Variants in SLC2A10 observed in about 807,000 individuals in gnomAD.
SLC2A10 encodes the protein solute carrier family 2 member 10, also known as solute carrier family 2, facilitated glucose transporter member 10.
SLC2A10 carries 25 observed loss-of-function variants against 32.1 expected under a neutral mutation model. That is an observed-to-expected ratio of 0.78 (90% CI 0.57 to 1.09). The LOEUF is 1.09. Among genes scored for constraint, SLC2A10 ranks in the 50% least tolerant of loss-of-function variants. SLC2A10 has a pLI of 0.00. For missense variants in SLC2A10, 673 were observed against 686.5 expected (o/e 0.98, Z 0.22); for synonymous variants, 332 against 309.6 (o/e 1.07, Z -0.76).
intron 1 of SLC2A10, among the ~76,000 whole-genome samples, chr20:46,721,196 A>G (rs914425398): frequency 6.6e-6 from 1 of 152,220 alleles, no homozygotes; most frequent in African/African-American, 2.4e-5. Context: ...AGCTACTCAG[A>G]TTCAGTGTGA....
At chr20:46,724,319 AGATGGATGGATAGATG>A (rs1409658906) in intron 1 of SLC2A10, among the ~76,000 whole-genome samples, 1 of 152,044 alleles carries the variant, frequency 6.6e-6, no homozygotes, top group East Asian at 1.9e-4. Context: ...AAATAAATTT[AGATGGATGGATAGATG>A]GATGGATGGA....
In SLC2A10 at chr20:46,728,604, GTTTTT is replaced by G. The variant is rs778644499; in HGVS notation, c.1412-729_1412-725del. ...ACCGATTCATGGAATTTCTGGGTGT[GTTTTT>G]TTTTTTTTTTTTTTTTTTTGAAACA... On this transcript the variant is annotated intron_variant, in intron 3 of 4. Transcript: ENST00000359271. 3.9e-3 allele frequency among the ~76,000 whole-genome samples: 393 copies of G among 101,338 alleles called. 4 individuals carry two copies. The highest frequency in any genetic ancestry group is 0.015 in the African/African-American group (378 of 25,744). 66.5% of individuals were successfully genotyped at this position (101,338 alleles called of 152,430 possible).
chr20:46,725,234 C>T lies in SLC2A10; in HGVS notation c.198C>T (p.Gly66=). Residue 66 remains glycine (G), a synonymous_variant, in exon 2 of 5, where the codon GGC becomes GGT. Coordinates refer to ENST00000359271, the MANE Select transcript of SLC2A10 (RefSeq NM_030777.4). ...LGALLASLVG[G]FLIDCYGRKQ... ...CTCTCCTCGCCTCCCTGGTTGGTGG[C>T]TTCCTCATTGACTGCTATGGCAGGA... is the stretch of plus-strand genomic sequence containing the variant. The T allele has an allele frequency of 6.2e-7, 1 of 1,614,158 alleles. No individual in the cohort carries two copies. Among genetic ancestry groups the T allele is most frequent in the Non-Finnish European group, 8.5e-7 (1 of 1,180,012 alleles).
chr20:46,725,751 G>A lies in SLC2A10; in HGVS notation c.715G>A (p.Val239Met), dbSNP rs763372108. The A allele has an allele frequency of 1.2e-6, 2 of 1,614,088 alleles. No homozygotes were observed. The highest frequency in any genetic ancestry group is 1.7e-6 in the Non-Finnish European group (2 of 1,180,034). Residue 239 changes from valine to methionine, a missense_variant, in exon 2 of 5, where the codon GTG becomes ATG. Physicochemically the swap from Val to Met is conservative, Grantham distance 21. Transcript: ENST00000359271. ...CCGGACCACAGTGGGCCTGGGGCTG[G>A]TGCTCTTCCAGCAACTAACAGGGCA... ...RGRTTVGLGLVLFQQLTGQPN... is the reference protein window; with the variant it reads ...RGRTTVGLGLMLFQQLTGQPN...
At chr20:46,709,259 ATGTGTGTGT>A (rs17861024), upstream of SLC2A10, among the ~76,000 whole-genome samples, 23,078 of 151,740 alleles carry the variant, frequency 0.15, 2,082 homozygotes, top group East Asian at 0.28. Context: ...CTCGGTGTAG[ATGTGTGTGT>A]TGTGTGTGTT....
Position 46,729,398 on chromosome 20 carries a change from C to T in SLC2A10, c.1457C>T (p.Ala486Val), listed in dbSNP as rs775211875. 6.2e-7 allele frequency: 1 copy of T among 1,614,098 alleles called. No homozygotes were observed. Among genetic ancestry groups the T allele is most frequent in the Non-Finnish European group, 8.5e-7 (1 of 1,180,016 alleles). The change falls in exon 4 of 5, where the codon GCT (alanine) becomes GTT (valine). Residue 486 changes from alanine to valine, a missense_variant. Coordinates refer to ENST00000359271, the MANE Select transcript of SLC2A10 (RefSeq NM_030777.4). Reference sequence around the variant, plus strand: ...ACCTTCCTGCTCTACGGACTGACCGCTGTCCTCGGCCTGGGCTTCATCTAT... The same window carrying T: ...ACCTTCCTGCTCTACGGACTGACCGTTGTCCTCGGCCTGGGCTTCATCTAT... ...SWTFLLYGLT[A>V]VLGLGFIYLF...
chr20:46,732,772 G>A (rs918980365), intron 4 of SLC2A10, among the ~76,000 whole-genome samples: 6 of 152,148 alleles, frequency 3.9e-5, no homozygotes, highest in African/African-American at 1.4e-4. Flanking sequence ...GATGCTCAAG[G>A]AAGGCTGCTC....
intron 1 of SLC2A10, chr20:46,714,623 G>A: frequency 6.5e-6 from 1 of 152,962 alleles, no homozygotes. Flanking sequence ...AAAGCATACA[G>A]TATGTGCCGG....
chr20:46,716,470 C>T (rs1014972031), intron 1 of SLC2A10, among the ~76,000 whole-genome samples: 3 of 152,062 alleles, frequency 2.0e-5, no homozygotes, highest in African/African-American at 7.2e-5. Flanking sequence ...TGTTTTTAAA[C>T]TCAAAGCAAT....
chr20:46,733,707 G>A (rs373110989), intron 4 of SLC2A10, 49 bp from the exon 5 acceptor site: 37 of 1,514,458 alleles, frequency 2.4e-5, no homozygotes, highest in Middle Eastern at 1.7e-4. Context: ...CCCCAGGGAC[G>A]GCCCCAGGCC....
chr20:46,732,376 C>T (rs1447541914), intron 4 of SLC2A10, among the ~76,000 whole-genome samples: 2 of 152,112 alleles, frequency 1.3e-5, no homozygotes, highest in South Asian at 2.1e-4. Context: ...TTTCAAGTGC[C>T]GGGCACTGTA....
At chr20:46,729,510 T>G (rs1600671875) in intron 4 of SLC2A10, 22 bp downstream of exon 4, 1 of 1,613,172 alleles carries the variant, frequency 6.2e-7, no homozygotes, top group Non-Finnish European at 8.5e-7. Flanking sequence ...ACAGGGTGGG[T>G]CTGGGGGAAG....
chr20:46,709,847 C>A, intron 1 of SLC2A10, 107 bp downstream of exon 1: 1 of 1,357,734 alleles, frequency 7.4e-7, no homozygotes, highest in Non-Finnish European at 1.0e-6. Flanking sequence ...TCCCCCAGGG[C>A]CGCCCCGGCC....
rs1335581409 is a variant in SLC2A10, at chr20:46,709,706, GC to G, written c.-26del. ...GGGGATGCGCGCCCGGCCCCTCAGC[GC>G]CCCCAGCACGCCGCCGAGTCCCGCT... On this transcript the variant is annotated 5_prime_UTR_variant, in exon 1 of 5. Transcript: ENST00000359271. The G allele has an allele frequency of 6.5e-7, 1 of 1,539,634 alleles. No homozygotes were observed. The highest frequency in any genetic ancestry group is 1.4e-5 in the African/African-American group (1 of 71,466).
intron 2 of SLC2A10, 54 bp from the exon 3 acceptor site, chr20:46,726,810 G>A: frequency 6.2e-7 from 1 of 1,612,848 alleles, no homozygotes; most frequent in South Asian, 1.1e-5. Flanking sequence ...ACCTGATGGT[G>A]CCAGGCCCCA....
At chr20:46,711,277 G>A (rs79900569) in intron 1 of SLC2A10, among the ~76,000 whole-genome samples, 1,837 of 152,308 alleles carry the variant, frequency 0.012, 42 homozygotes, top group African/African-American at 0.039. Context: ...TGTAGATGGG[G>A]AAGCCCAGAG....
At chr20:46,717,345 G>A (rs1979305942) in intron 1 of SLC2A10, among the ~76,000 whole-genome samples, 1 of 152,182 alleles carries the variant, frequency 6.6e-6, no homozygotes, top group African/African-American at 2.4e-5. Flanking sequence ...AATTTCAATT[G>A]TATCAGTCAT....
chr20:46,727,478 G>A (rs1470918851), intron 3 of SLC2A10, among the ~76,000 whole-genome samples: 6 of 152,052 alleles, frequency 3.9e-5, no homozygotes, highest in South Asian at 2.1e-4. Context: ...CCGCCACCAC[G>A]CCCGGCTAAT....
rs111504264 is a variant in SLC2A10 at position 46,724,806 on chromosome 20, AGGATGGATGGATGGAT to A, written c.5-208_5-193del. Among the ~76,000 whole-genome samples the A allele has an allele frequency of 2.5e-4, 31 of 125,698 alleles. No homozygotes were observed. The South Asian group carries it at 5.4e-3, about 22-fold the overall frequency. The allele number at this position is 125,698 out of a possible 152,430, so 82.5% of individuals were successfully genotyped here. ...TGGAGTGGATGGATGGACAGATGGA[AGGATGGATGGATGGAT>A]GGATGGATGGATGGATGGATGGATG... On this transcript the variant is annotated intron_variant, in intron 1 of 4. Transcript: ENST00000359271.
Sources: gnomAD v4.1 joint callset for allele counts (sites outside exome capture counted in the v4.1 genomes callset) on GRCh38, gnomAD v4.1.1 for gene constraint, MANE v1.5 for transcripts, NCBI Gene and HGNC (gene_info 2026-07-23, HGNC 2026-07-21) for gene names.